The following TCERG1L variants were observed in gnomAD, a reference collection of about 807,000 sequenced individuals.
TCERG1L encodes the protein transcription elongation regulator 1-like protein.
In TCERG1L, 37 loss-of-function variants were observed where a neutral mutation model predicts 56.3. The ratio of observed to expected loss-of-function variants is 0.66; its 90% CI spans 0.51 to 0.87. The LOEUF is 0.87. Among genes scored for constraint, TCERG1L ranks in the 40% least tolerant of loss-of-function variants. TCERG1L has a pLI of 0.00. For missense variants in TCERG1L, 799 were observed against 774.2 expected (o/e 1.03, Z -0.38); for synonymous variants, 324 against 326.3 (o/e 0.99, Z 0.08).
intron 4 of TCERG1L, among the ~76,000 whole-genome samples, chr10:131,246,371 G>A (rs1277218577): frequency 6.6e-6 from 1 of 152,160 alleles, no homozygotes; most frequent in East Asian, 1.9e-4. Flanking sequence ...GGTGTGTGCT[G>A]GAGAGGGCGG....
rs575190951 is a variant in TCERG1L at position 131,199,650 on chromosome 10, T to G, written c.857-32765A>C. On this transcript the variant is annotated intron_variant, in intron 4 of 11. Transcript: ENST00000368642. ...TGACAGCAGTCACGTCACACCCCCTTGAGCTAAATAATTACTTCTTGAAGC... is the reference window on the plus strand; with the variant it reads ...TGACAGCAGTCACGTCACACCCCCTGGAGCTAAATAATTACTTCTTGAAGC... Among the ~76,000 whole-genome samples the G allele has an allele frequency of 6.2e-4, 95 of 152,240 alleles. 2 individuals carry two copies. In the South Asian group the frequency reaches 0.018, roughly 30 times the overall value.
intron 8 of TCERG1L, among the ~76,000 whole-genome samples, chr10:131,120,799 G>A (rs770542178): frequency 6.6e-6 from 1 of 152,182 alleles, no homozygotes; most frequent in Non-Finnish European, 1.5e-5. Context: ...TCAGTGAGAT[G>A]GTCCACATCG....
chr10:131,231,686 T>C (rs1589756069), intron 4 of TCERG1L, among the ~76,000 whole-genome samples: 1 of 151,920 alleles, frequency 6.6e-6, no homozygotes, highest in Non-Finnish European at 1.5e-5. Context: ...TCCAGCGCTG[T>C]GGGAGAGAGA....
At chr10:131,097,593 T>C (rs766441020) in intron 11 of TCERG1L, among the ~76,000 whole-genome samples, 2 of 152,198 alleles carry the variant, frequency 1.3e-5, no homozygotes, top group Non-Finnish European at 2.9e-5. Flanking sequence ...GTGATCCACC[T>C]GCCTTGGTCT....
chr10:131,206,211 A>T (rs1399060972), intron 4 of TCERG1L, among the ~76,000 whole-genome samples: 2 of 152,230 alleles, frequency 1.3e-5, no homozygotes, highest in Admixed American at 6.5e-5. Context: ...CGCAAAGGCA[A>T]ATCCTCATGG....
intron 4 of TCERG1L, among the ~76,000 whole-genome samples, chr10:131,241,081 AC>A (rs1845966474): frequency 6.6e-6 from 1 of 152,138 alleles, no homozygotes; most frequent in South Asian, 2.1e-4. Flanking sequence ...AGAAGAGCTC[AC>A]CCCGGAGATG....
chr10:131,193,538 G>A (rs1030016260), intron 4 of TCERG1L, among the ~76,000 whole-genome samples: 4 of 152,136 alleles, frequency 2.6e-5, no homozygotes, highest in Non-Finnish European at 2.9e-5. Context: ...GAGAGATAAG[G>A]GTCCAGTTTC....
intron 4 of TCERG1L, among the ~76,000 whole-genome samples, chr10:131,231,118 GCC>G (rs367796581): frequency 0.11 from 17,267 of 151,194 alleles, 1,232 homozygotes; most frequent in Middle Eastern, 0.2. Flanking sequence ...GGGTGAATTG[GCC>G]TCCAAGTGTA....
intron 8 of TCERG1L, among the ~76,000 whole-genome samples, chr10:131,123,884 C>T (rs992776024): frequency 6.6e-6 from 1 of 151,838 alleles, no homozygotes; most frequent in Non-Finnish European, 1.5e-5. Flanking sequence ...TTGTCCTGGA[C>T]ATCCAAGACT....
chr10:131,286,121 C>T (rs932243370), intron 3 of TCERG1L, among the ~76,000 whole-genome samples: 4 of 152,154 alleles, frequency 2.6e-5, no homozygotes, highest in South Asian at 2.1e-4. Context: ...TTAACACGTC[C>T]GTGGCTCTTG....
Position 131,292,975 on chromosome 10 carries a change from C to T in TCERG1L, c.670+15236G>A, listed in dbSNP as rs201659209. 5.6e-4 allele frequency among the ~76,000 whole-genome samples: 85 copies of T among 151,938 alleles called. 1 individual carries two copies. The East Asian group carries it at 0.011, about 20-fold the overall frequency. On this transcript the variant is annotated intron_variant, in intron 3 of 11. Transcript: ENST00000368642. Reference sequence around the variant, plus strand: ...AAGCGATTCTCCTGCCTCAGCCTCCCGAGTAGCTGGGATTACAGGTACACG... The same window carrying T: ...AAGCGATTCTCCTGCCTCAGCCTCCTGAGTAGCTGGGATTACAGGTACACG...
intron 4 of TCERG1L, among the ~76,000 whole-genome samples, chr10:131,256,376 C>A (rs1278525242): frequency 6.6e-6 from 1 of 152,102 alleles, no homozygotes; most frequent in Non-Finnish European, 1.5e-5. Flanking sequence ...TGTTCTGTGG[C>A]AGGACAAAAT....
rs1266818473 is a variant in TCERG1L at position 131,116,853 on chromosome 10, G to A, written c.1341C>T (p.Leu447=). Residue 447 remains leucine, a synonymous_variant, in exon 9 of 12, where the codon CTC becomes CTT. Transcript: ENST00000368642. ...KGTRTPPPQI[L]LPLEERVTHF... The stretch of plus-strand genomic sequence containing the variant: ...GGGTCACACGCTCCTCCAGAGGCAG[G>A]AGGATCTGCGGGGGCGGCGTCCTTG... The A allele has an allele frequency of 3.2e-6, 5 of 1,585,550 alleles. No homozygotes were observed. Among genetic ancestry groups the A allele is most frequent in the African/African-American group, 1.3e-5 (1 of 74,366 alleles).
chr10:131,252,124 A>G lies in TCERG1L; in HGVS notation c.856+8135T>C, dbSNP rs559125948. 2.6e-5 allele frequency among the ~76,000 whole-genome samples: 4 copies of G among 152,322 alleles called. No homozygotes were observed. In the South Asian group the frequency reaches 8.3e-4, roughly 32 times the overall value. Reference sequence around the variant, plus strand: ...TTAAGGCTGAATAATATTTCACTATATAGATATGCCACATTTTCTTTATCT... The same window carrying G: ...TTAAGGCTGAATAATATTTCACTATGTAGATATGCCACATTTTCTTTATCT... On this transcript the variant is annotated intron_variant, in intron 4 of 11. Transcript: ENST00000368642.
In TCERG1L at chr10:131,113,628, G is replaced by A. The variant is rs1424012723; in HGVS notation, c.1395+3171C>T. On this transcript the variant is annotated intron_variant, in intron 9 of 11. Coordinates refer to ENST00000368642, the MANE Select transcript of TCERG1L (RefSeq NM_174937.4). ...GTGAATCCCTCACTCCATTGCAGAC[G>A]TGGTACCAGGGCTCTCCTGTGTAGC... 2.1e-5 allele frequency among the ~76,000 whole-genome samples: 3 copies of A among 141,914 alleles called. 1 individual carries two copies. The highest frequency in any genetic ancestry group is 4.8e-5 in the Non-Finnish European group (3 of 63,138). The allele number at this position is 141,914 out of a possible 152,430, so 93.1% of individuals were successfully genotyped here. A position where few individuals can be genotyped will look rare whatever the true frequency, so the allele number is the denominator to read the frequency against.
intron 9 of TCERG1L, among the ~76,000 whole-genome samples, chr10:131,115,293 C>G (rs985284660): frequency 2.6e-5 from 4 of 152,350 alleles, no homozygotes; most frequent in Non-Finnish European, 4.4e-5. Flanking sequence ...AGGGCTAGAG[C>G]TTTTCACCAC....
rs750898191 is a variant in TCERG1L at position 131,116,931 on chromosome 10, G to A, written c.1263C>T (p.Thr421=). 222 of 1,607,902 alleles carry A rather than the reference G, an allele frequency of 1.4e-4. No homozygotes were observed. Among genetic ancestry groups the A allele is most frequent in the Middle Eastern group, 3.3e-4 (2 of 6,078 alleles). ...CTGGCTTGGGACTCCCGCAGCCTTC[G>A]GTCCTTCAGGAACACAAGACGCAGA... ...DQDVKTKRNR[T]EGCGSPKPEE... Residue 421 remains threonine (T), a synonymous_variant, in exon 9 of 12, where the codon ACC becomes ACT. Transcript: ENST00000368642.
intron 4 of TCERG1L, among the ~76,000 whole-genome samples, chr10:131,219,983 T>C (rs554741644): frequency 3.4e-4 from 51 of 152,216 alleles, no homozygotes; most frequent in Middle Eastern, 3.4e-3. Context: ...TCCATTCTAA[T>C]GGTCCTTTTC....
intron 4 of TCERG1L, among the ~76,000 whole-genome samples, chr10:131,236,581 C>T (rs1358146680): frequency 2.6e-5 from 4 of 152,316 alleles, no homozygotes; most frequent in Middle Eastern, 3.4e-3. Flanking sequence ...ATGTTTAGAT[C>T]GTTTGTAGTT....
Sources: gnomAD v4.1 joint callset for allele counts (sites outside exome capture counted in the v4.1 genomes callset) on GRCh38, gnomAD v4.1.1 for gene constraint, MANE v1.5 for transcripts, NCBI Gene and HGNC (gene_info 2026-07-23, HGNC 2026-07-21) for gene names.